Variants in GTF2H4 observed in about 807,000 individuals in gnomAD.
The protein encoded by GTF2H4 is general transcription factor IIH subunit 4.
Under a neutral mutation model 62.2 loss-of-function variants are expected in GTF2H4, and 49 were observed. That is an observed-to-expected ratio of 0.79 (90% confidence interval 0.63 to 1.00). The LOEUF (loss-of-function observed/expected upper bound fraction) is 1.00, where lower values mean the gene tolerates loss of function less well. Among genes scored for constraint, GTF2H4 ranks in the 50% least tolerant of loss-of-function variants. The probability of loss-of-function intolerance (pLI) is 0.00; values close to 1 mark genes in which losing one functional copy is unlikely to be tolerated. For synonymous variants in GTF2H4, 189 were observed against 233.8 expected (o/e 0.81, Z 1.75); for missense variants, 479 against 587.8 (o/e 0.81, Z 1.91).
chr6:30,911,262 C>G lies in GTF2H4; in HGVS notation c.665C>G (p.Thr222Arg). The G allele has an allele frequency of 6.2e-7, 1 of 1,612,554 alleles. No homozygotes were observed. The highest frequency in any genetic ancestry group is 8.5e-7 in the Non-Finnish European group (1 of 1,179,236). ...LWYFMLQYLQ[T>R]AQSRGMDLVE... ...TACTTTATGTTGCAGTATTTGCAGA[C>G]AGCCCAGGTGAGGAGGCAGGGCCAC... is the stretch of plus-strand genomic sequence containing the variant. The change falls in exon 7 of 14, where the codon ACA becomes AGA. Residue 222 changes from threonine (T) to arginine (R), a missense_variant. By Grantham distance (71) the Thr-to-Arg change is moderately conservative (BLOSUM62 -1). Coordinates refer to ENST00000259895, the MANE Select transcript of GTF2H4 (RefSeq NM_001517.5). The surrounding 1 kb of genome is among the most constrained non-coding windows in gnomAD (Gnocchi z 4.3).
chr6:30,914,054 T>C lies in GTF2H4; in HGVS notation c.*71T>C, dbSNP rs1793951098. 7.3e-7 allele frequency: 1 copy of C among 1,366,692 alleles called. No individual in the cohort carries two copies. Among genetic ancestry groups the C allele is most frequent in the Admixed American group, 2.5e-5 (1 of 39,932 alleles). 84.7% of individuals were successfully genotyped at this position (1,366,692 alleles called of 1,614,324 possible). ...GGCGGGGCATCAGAACTCAGGTGTT[T>C]TTTATTTACGCGTCAGGGCTTTTCT... On this transcript the variant is annotated 3_prime_UTR_variant, in exon 14 of 14. Coordinates refer to ENST00000259895, the MANE Select transcript of GTF2H4 (RefSeq NM_001517.5).
Position 30,909,318 on chromosome 6 carries a change from A to G in GTF2H4, c.138-117A>G, listed in dbSNP as rs1793671158. Reference sequence around the variant, plus strand: ...TGCTCTAAAGTGTGGAGGCCAAAACAGCAGGACTGGTAAAGTTGTGCTGGA... The same window carrying G: ...TGCTCTAAAGTGTGGAGGCCAAAACGGCAGGACTGGTAAAGTTGTGCTGGA... On this transcript the variant is annotated intron_variant, in intron 2 of 13. Transcript: ENST00000259895. This position sits in a 1 kb window ranked among gnomAD's most constrained non-coding sequence, Gnocchi z 4.3. The G allele has an allele frequency of 5.7e-6, 7 of 1,229,422 alleles. No individual in the cohort carries two copies. Among genetic ancestry groups the G allele is most frequent in the South Asian group, 1.4e-5 (1 of 72,416 alleles). 76.2% of individuals were successfully genotyped at this position (1,229,422 alleles called of 1,614,324 possible).
In GTF2H4 at chr6:30,910,924, G is replaced by A; in HGVS notation, c.543G>A (p.Gln181=). ...AGGACTTGGCTCAGCTCCTCAGCCA[G>A]GCTGGGCTCATGAAGAGGTGAGGAA... is the stretch of plus-strand genomic sequence containing the variant. The part of the protein sequence containing the change: ...VSQDLAQLLS[Q]AGLMKSTEPG... The change falls in exon 6 of 14, where the codon CAG becomes CAA. Residue 181 remains glutamine (Q), a synonymous_variant. Transcript: ENST00000259895. This position sits in a 1 kb window ranked among gnomAD's most constrained non-coding sequence, Gnocchi z 4.7. 1 of 1,609,362 alleles carries A rather than the reference G, an allele frequency of 6.2e-7. No individual in the cohort carries two copies. The highest frequency in any genetic ancestry group is 8.5e-7 in the Non-Finnish European group (1 of 1,178,366).
rs772888093 is a variant in GTF2H4, at chr6:30,910,362, C to T, written c.374+299C>T. Among the ~76,000 whole-genome samples, 1 of 152,100 alleles carries T rather than the reference C, an allele frequency of 6.6e-6. No individual in the cohort carries two copies. The highest frequency in any genetic ancestry group is 1.9e-4 in the East Asian group (1 of 5,174). On this transcript the variant is annotated intron_variant, in intron 4 of 13. Coordinates refer to ENST00000259895, the MANE Select transcript of GTF2H4 (RefSeq NM_001517.5). The surrounding 1 kb of genome is among the most constrained non-coding windows in gnomAD (Gnocchi z 4.7). Reference sequence around the variant, plus strand: ...TGTTTGTTTTTGAGACAGAGTCTCACTCTGTCACCAAGGCCAGAGTGCAGT... The same window carrying T: ...TGTTTGTTTTTGAGACAGAGTCTCATTCTGTCACCAAGGCCAGAGTGCAGT...
Position 30,913,268 on chromosome 6 carries a change from C to A in GTF2H4, c.1138-41C>A, listed in dbSNP as rs771577329. On this transcript the variant is annotated intron_variant, in intron 12 of 13. Coordinates refer to ENST00000259895, the MANE Select transcript of GTF2H4 (RefSeq NM_001517.5). The surrounding 1 kb of genome is among the most constrained non-coding windows in gnomAD (Gnocchi z 4.2). Reference sequence around the variant, plus strand: ...AAACAGAGGGCCGGGTTGTCTGGGGCAGTATTCTGAGTCCCTACAGTCAAC... The same window carrying A: ...AAACAGAGGGCCGGGTTGTCTGGGGAAGTATTCTGAGTCCCTACAGTCAAC... The A allele has an allele frequency of 5.6e-6, 9 of 1,612,878 alleles. No individual in the cohort carries two copies. The highest frequency in any genetic ancestry group is 7.6e-6 in the Non-Finnish European group (9 of 1,179,166).
In GTF2H4 at chr6:30,911,215, G is replaced by T; in HGVS notation, c.618G>T (p.Leu206=). The T allele has an allele frequency of 6.2e-7, 1 of 1,613,646 alleles. No individual in the cohort carries two copies. The highest frequency in any genetic ancestry group is 8.5e-7 in the Non-Finnish European group (1 of 1,179,996). Residue 206 remains leucine, a synonymous_variant, in exon 7 of 14, where the codon CTG becomes CTT. Transcript: ENST00000259895. The surrounding 1 kb of genome is among the most constrained non-coding windows in gnomAD (Gnocchi z 4.3). The part of the protein sequence containing the change: ...ITSAGFQFLL[L]DTPAQLWYFM... ...CCGCTGGCTTCCAGTTCCTGTTGCT[G>T]GACACCCCGGCTCAGCTCTGGTACT...
In GTF2H4 at chr6:30,909,301, A is replaced by C; in HGVS notation, c.137+128A>C. 1.5e-6 allele frequency: 2 copies of C among 1,303,054 alleles called. No individual in the cohort carries two copies. The highest frequency in any genetic ancestry group is 2.1e-6 in the Non-Finnish European group (2 of 943,478). The allele number at this position is 1,303,054 out of a possible 1,614,324, so 80.7% of individuals were successfully genotyped here. ...GGGCAAGGGTTGGAAATTGCTCTAA[A>C]GTGTGGAGGCCAAAACAGCAGGACT... On this transcript the variant is annotated intron_variant, in intron 2 of 13. Transcript: ENST00000259895. This position sits in a 1 kb window ranked among gnomAD's most constrained non-coding sequence, Gnocchi z 4.3.
Position 30,909,923 on chromosome 6 carries a change from C to T in GTF2H4, c.243-9C>T. 1 of 1,607,854 alleles carries T rather than the reference C, an allele frequency of 6.2e-7. No individual in the cohort carries two copies. Among genetic ancestry groups the T allele is most frequent in the East Asian group, 2.2e-5 (1 of 44,844 alleles). On this transcript the variant is annotated splice_polypyrimidine_tract_variant and intron_variant, in intron 3 of 13. Coordinates refer to ENST00000259895, the MANE Select transcript of GTF2H4 (RefSeq NM_001517.5). This position sits in a 1 kb window ranked among gnomAD's most constrained non-coding sequence, Gnocchi z 4.3. ...AAATACCCTACTCACCTCTCTGCTT[C>T]TGTTCCAGGGCTCAGGAGGAAAGTA...
Position 30,913,839 on chromosome 6 carries a change from A to G in GTF2H4, c.1245A>G (p.Gln415=). 6.2e-7 allele frequency: 1 copy of G among 1,601,630 alleles called. No individual in the cohort carries two copies. The highest frequency in any genetic ancestry group is 8.5e-7 in the Non-Finnish European group (1 of 1,173,640). Residue 415 remains glutamine (Q), a synonymous_variant, in exon 14 of 14, where the codon CAA becomes CAG. Transcript: ENST00000259895. The surrounding 1 kb of genome is among the most constrained non-coding windows in gnomAD (Gnocchi z 4.2). ...EGVLYNQFLS[Q]VDFELLLAHA... ...TCCTGTATAACCAGTTCCTGTCGCA[A>G]GTGGACTTTGAGCTGCTGCTGGCCC...
In GTF2H4 at chr6:30,913,886, T is replaced by C. The variant is rs756963964; in HGVS notation, c.1292T>C (p.Leu431Pro). The C allele has an allele frequency of 6.2e-7, 1 of 1,609,732 alleles. No individual in the cohort carries two copies. The change falls in exon 14 of 14, where the codon CTC becomes CCC. Residue 431 changes from leucine (L) to proline (P), a missense_variant. Physicochemically the swap from Leu to Pro is moderately conservative, Grantham distance 98. Coordinates refer to ENST00000259895, the MANE Select transcript of GTF2H4 (RefSeq NM_001517.5). This position sits in a 1 kb window ranked among gnomAD's most constrained non-coding sequence, Gnocchi z 4.2. ...LLAHARELGV[L>P]VFENSAKRLM... ...GCCCACGCGCGGGAGCTGGGCGTGCTCGTGTTCGAGAACTCGGCCAAGCGG... is the reference window on the plus strand; with the variant it reads ...GCCCACGCGCGGGAGCTGGGCGTGCCCGTGTTCGAGAACTCGGCCAAGCGG...
Position 30,911,890 on chromosome 6 carries a change from G to T in GTF2H4, c.825+123G>T. The T allele has an allele frequency of 1.4e-6, 2 of 1,403,064 alleles. No homozygotes were observed. Among genetic ancestry groups the T allele is most frequent in the Non-Finnish European group, 2.0e-6 (2 of 1,004,570 alleles). 86.9% of individuals were successfully genotyped at this position (1,403,064 alleles called of 1,614,324 possible). On this transcript the variant is annotated intron_variant, in intron 9 of 13. Transcript: ENST00000259895. The surrounding 1 kb of genome is among the most constrained non-coding windows in gnomAD (Gnocchi z 4.3). ...GCAGTTGCCAGAACTGAATACTTGG[G>T]TCTCTCGGGGGAGAGAAGTTGGGGG...
In GTF2H4 at chr6:30,911,176, G is replaced by T. The variant is rs111368171; in HGVS notation, c.579G>T (p.Pro193=). The T allele has an allele frequency of 6.2e-7, 1 of 1,613,268 alleles. No homozygotes were observed. The highest frequency in any genetic ancestry group is 1.3e-5 in the African/African-American group (1 of 74,998). ...TCTCTAGTACTGAACCTGGAGAGCC[G>T]CCCTGCATTACTTCCGCTGGCTTCC... is the stretch of plus-strand genomic sequence containing the variant. ...GLMKSTEPGE[P]PCITSAGFQF... The change falls in exon 7 of 14, where the codon CCG becomes CCT. Residue 193 remains proline (P), a synonymous_variant. Coordinates refer to ENST00000259895, the MANE Select transcript of GTF2H4 (RefSeq NM_001517.5). This position sits in a 1 kb window ranked among gnomAD's most constrained non-coding sequence, Gnocchi z 4.3.
chr6:30,914,016 C>A lies in GTF2H4; in HGVS notation c.*33C>A. 1.5e-5 allele frequency: 9 copies of A among 597,786 alleles called. No individual in the cohort carries two copies. The highest frequency in any genetic ancestry group is 2.4e-5 in the Non-Finnish European group (8 of 334,160). The allele number at this position is 597,786 out of a possible 1,614,324, so 37.0% of individuals were successfully genotyped here. Reference sequence around the variant, plus strand: ...GGACTTGGACACGGACCTCGGCGGGCGGGACTGGGCGGGGCGGGGCATCAG... The same window carrying A: ...GGACTTGGACACGGACCTCGGCGGGAGGGACTGGGCGGGGCGGGGCATCAG... On this transcript the variant is annotated 3_prime_UTR_variant, in exon 14 of 14. Coordinates refer to ENST00000259895, the MANE Select transcript of GTF2H4 (RefSeq NM_001517.5).
Position 30,912,973 on chromosome 6 carries a change from C to T in GTF2H4, c.1090-137C>T. On this transcript the variant is annotated intron_variant, in intron 11 of 13. Coordinates refer to ENST00000259895, the MANE Select transcript of GTF2H4 (RefSeq NM_001517.5). The surrounding 1 kb of genome is among the most constrained non-coding windows in gnomAD (Gnocchi z 4.8). ...GCAGCAACGTGGGATAACAGCTGAA[C>T]TGGGATGGGTGGAGTTGATGACAGG... 1.3e-6 allele frequency: 1 copy of T among 759,070 alleles called. No individual in the cohort carries two copies. Among genetic ancestry groups the T allele is most frequent in the Non-Finnish European group, 2.1e-6 (1 of 467,562 alleles). 47.0% of individuals were successfully genotyped at this position (759,070 alleles called of 1,614,324 possible). A position where few individuals can be genotyped will look rare whatever the true frequency, so the allele number is the denominator to read the frequency against.
At position 30,911,102 on chromosome 6, in the gene GTF2H4, G is replaced by T; in HGVS notation, c.561-56G>T. The T allele has an allele frequency of 7.0e-7, 1 of 1,432,174 alleles. No individual in the cohort carries two copies. Among genetic ancestry groups the T allele is most frequent in the Non-Finnish European group, 9.8e-7 (1 of 1,015,990 alleles). The allele number at this position is 1,432,174 out of a possible 1,614,324, so 88.7% of individuals were successfully genotyped here. On this transcript the variant is annotated intron_variant, in intron 6 of 13. Transcript: ENST00000259895. The surrounding 1 kb of genome is among the most constrained non-coding windows in gnomAD (Gnocchi z 4.3). Reference sequence around the variant, plus strand: ...CAAGAAAAAACGTGAGTGGACAAGTGGGGATAGTAGTCTTTCTCTGCATAT... The same window carrying T: ...CAAGAAAAAACGTGAGTGGACAAGTTGGGATAGTAGTCTTTCTCTGCATAT...
rs1429424943 is a variant in GTF2H4 at position 30,909,744 on chromosome 6, T to C, written c.243-188T>C. On this transcript the variant is annotated intron_variant, in intron 3 of 13. Coordinates refer to ENST00000259895, the MANE Select transcript of GTF2H4 (RefSeq NM_001517.5). This position sits in a 1 kb window ranked among gnomAD's most constrained non-coding sequence, Gnocchi z 4.3. ...ATGTATCTTCCCTCTTAAAGAGTTA[T>C]GTGTGATATCTGTAATGAGGCTCTG... is the stretch of plus-strand genomic sequence containing the variant. Among the ~76,000 whole-genome samples, 1 of 152,228 alleles carries C rather than the reference T, an allele frequency of 6.6e-6. No individual in the cohort carries two copies. The highest frequency in any genetic ancestry group is 2.4e-5 in the African/African-American group (1 of 41,458).
At position 30,910,026 on chromosome 6, in the gene GTF2H4, A is replaced by C; in HGVS notation, c.337A>C (p.Ile113Leu). 3 of 1,612,250 alleles carry C rather than the reference A, an allele frequency of 1.9e-6. No individual in the cohort carries two copies. The change falls in exon 4 of 14, where the codon ATT (isoleucine) becomes CTT (leucine). Residue 113 changes from isoleucine (I) to leucine (L), a missense_variant. Physicochemically the swap from Ile to Leu is conservative, Grantham distance 5. Transcript: ENST00000259895. The surrounding 1 kb of genome is among the most constrained non-coding windows in gnomAD (Gnocchi z 4.7). ...GCTCCAGGGCCTCATCCTCAACCCC[A>C]TTTTCCGCCAGAACCTCCGCATTGC... ...GGLQGLILNP[I>L]FRQNLRIALL...
chr6:30,913,467 T>C lies in GTF2H4; in HGVS notation c.1216+80T>C. The C allele has an allele frequency of 1.3e-6, 2 of 1,483,180 alleles. No individual in the cohort carries two copies. The highest frequency in any genetic ancestry group is 1.8e-6 in the Non-Finnish European group (2 of 1,084,202). 91.9% of individuals were successfully genotyped at this position (1,483,180 alleles called of 1,614,324 possible). On this transcript the variant is annotated intron_variant, in intron 13 of 13. Coordinates refer to ENST00000259895, the MANE Select transcript of GTF2H4 (RefSeq NM_001517.5). The surrounding 1 kb of genome is among the most constrained non-coding windows in gnomAD (Gnocchi z 4.2). ...GTTCAGTCTGCATTTTATTTTTTACTTCATGGACTAGGAGAGAAAAGCTGG... is the reference window on the plus strand; with the variant it reads ...GTTCAGTCTGCATTTTATTTTTTACCTCATGGACTAGGAGAGAAAAGCTGG...
In GTF2H4 at chr6:30,912,937, C is replaced by T. The variant is rs1208759027; in HGVS notation, c.1090-173C>T. Among the ~76,000 whole-genome samples, 2 of 152,122 alleles carry T rather than the reference C, an allele frequency of 1.3e-5. No individual in the cohort carries two copies. The highest frequency in any genetic ancestry group is 2.9e-5 in the Non-Finnish European group (2 of 68,008). On this transcript the variant is annotated intron_variant, in intron 11 of 13. Coordinates refer to ENST00000259895, the MANE Select transcript of GTF2H4 (RefSeq NM_001517.5). The surrounding 1 kb of genome is among the most constrained non-coding windows in gnomAD (Gnocchi z 4.8). ...AATGTGCCAGAAAAGGAATATCCCA[C>T]GTTGCTGGGAGCAGCAACGTGGGAT...
Sources: gnomAD v4.1 joint callset for allele counts (sites outside exome capture counted in the v4.1 genomes callset) on GRCh38, gnomAD v4.1.1 for gene constraint, Gnocchi (gnomAD v3.1) non-coding constraint, MANE v1.5 for transcripts, NCBI Gene and HGNC (gene_info 2026-07-23, HGNC 2026-07-21) for gene names.